ZC3H7A: variants seen among roughly 807,000 people sequenced by gnomAD.
ZC3H7A encodes the protein zinc finger CCCH-type containing 7A.
Under a neutral mutation model 125.5 loss-of-function variants are expected in ZC3H7A, and 44 were observed. The ratio of observed to expected loss-of-function variants is 0.35; its 90% CI spans 0.28 to 0.45. The LOEUF (loss-of-function observed/expected upper bound fraction) is 0.45, where lower values mean the gene tolerates loss of function less well. Ranked by LOEUF, ZC3H7A falls within the 20% of genes least tolerant of loss-of-function variation. ZC3H7A has a pLI of 1.00. For synonymous variants in ZC3H7A, 399 were observed against 391.2 expected (o/e 1.02, Z -0.23); for missense variants, 977 against 1,170.7 (o/e 0.83, Z 2.41).
rs750617505 is a variant in ZC3H7A at position 11,751,316 on chromosome 16, A to G, written c.*1T>C. ...AGGTATCATACATAAAAGCCAGCAT[A>G]TTAGTTTAAATCTTTAAACAAAAAA... On this transcript the variant is annotated 3_prime_UTR_variant, in exon 23 of 23. Transcript: ENST00000355758. The G allele has an allele frequency of 1.2e-6, 2 of 1,609,596 alleles. No individual in the cohort carries two copies. The highest frequency in any genetic ancestry group is 2.7e-5 in the African/African-American group (2 of 74,588).
chr16:11,770,944 G>C lies in ZC3H7A; in HGVS notation c.947C>G (p.Ser316Cys), dbSNP rs2052969134. ...CGATGCCGAAAAGGGCATGCTAGGA[G>C]AGACACTGGCTGTCTGAAGGGGTCC... ...VRGPLQTASVSPSMPFSASLL... is the reference protein window; with the variant it reads ...VRGPLQTASVCPSMPFSASLL... Residue 316 changes from serine (S) to cysteine (C), a missense_variant, in exon 10 of 23, where the codon TCT becomes TGT. Physicochemically the swap from Ser to Cys is moderately radical, Grantham distance 112. This residue lies in a region of ZC3H7A where 342 missense variants were observed against 311.3 expected (regional missense o/e 1.10). Coordinates refer to ENST00000355758, the MANE Select transcript of ZC3H7A (RefSeq NM_014153.4). 1 of 1,613,676 alleles carries C rather than the reference G, an allele frequency of 6.2e-7. No homozygotes were observed. The highest frequency in any genetic ancestry group is 1.3e-5 in the African/African-American group (1 of 74,950).
chr16:11,765,023 C>T lies in ZC3H7A; in HGVS notation c.1820+30G>A. The T allele has an allele frequency of 7.0e-7, 1 of 1,418,958 alleles. No homozygotes were observed. The highest frequency in any genetic ancestry group is 1.3e-5 in the South Asian group (1 of 78,120). The allele number at this position is 1,418,958 out of a possible 1,614,324, so 87.9% of individuals were successfully genotyped here. On this transcript the variant is annotated intron_variant, in intron 15 of 22. Coordinates refer to ENST00000355758, the MANE Select transcript of ZC3H7A (RefSeq NM_014153.4). The surrounding 1 kb of genome is among the most constrained non-coding windows in gnomAD (Gnocchi z 4.8). The stretch of plus-strand genomic sequence containing the variant: ...GATCTAGAAAAAGAATCTATTTTGT[C>T]ATTACAGAAATTAGAAACTATCAAC...
At chr16:11,757,223 G>A (rs2052664858) in intron 20 of ZC3H7A, among the ~76,000 whole-genome samples, 1 of 152,172 alleles carries the variant, frequency 6.6e-6, no homozygotes, top group South Asian at 2.1e-4. Flanking sequence ...GGTGGCTCAC[G>A]CCTGTAATCC....
At chr16:11,784,835 C>T (rs1234520754) in intron 1 of ZC3H7A, among the ~76,000 whole-genome samples, 6 of 114,968 alleles carry the variant, frequency 5.2e-5, no homozygotes. Flanking sequence ...GCCTGGGCAA[C>T]AAGAGTGACA....
At chr16:11,793,179 C>A (rs2141224224) in intron 1 of ZC3H7A, among the ~76,000 whole-genome samples, 1 of 152,280 alleles carries the variant, frequency 6.6e-6, no homozygotes, top group Non-Finnish European at 1.5e-5. Context: ...GAAGGCAGTG[C>A]AGAGGTCACC....
rs1407529828 is a variant in ZC3H7A at position 11,779,366 on chromosome 16, A to T, written c.109-3T>A. On this transcript the variant is annotated splice_polypyrimidine_tract_variant and splice_region_variant and intron_variant, in intron 3 of 22. Coordinates refer to ENST00000355758, the MANE Select transcript of ZC3H7A (RefSeq NM_014153.4). ...CTCACGAGAGCACGCAAATATACCT[A>T]AAAAAAAGAAAGTTACCACTTGAAG... The T allele has an allele frequency of 6.2e-7, 1 of 1,600,714 alleles. No individual in the cohort carries two copies. The highest frequency in any genetic ancestry group is 8.5e-7 in the Non-Finnish European group (1 of 1,175,360).
At chr16:11,790,096 A>G (rs931927435) in intron 1 of ZC3H7A, among the ~76,000 whole-genome samples, 1 of 151,716 alleles carries the variant, frequency 6.6e-6, no homozygotes, top group African/African-American at 2.4e-5. Context: ...AAAAAAAAAA[A>G]AAAAAAGAAT....
In ZC3H7A at chr16:11,769,784, C is replaced by CTTTTTTTTTTTTTTTTTTTTTTTTTTTTT. The variant is rs200241879; in HGVS notation, c.1109-690_1109-689insAAAAAAAAAAAAAAAAAAAAAAAAAAAAA. ...AATCAGTAAAGTTTTCAATTGCTTT[C>CTTTTTTTTTTTTTTTTTTTTTTTTTTTTT]TTTTTTTTTTTTTTTTTTTTTTTGA... On this transcript the variant is annotated intron_variant, in intron 10 of 22. Coordinates refer to ENST00000355758, the MANE Select transcript of ZC3H7A (RefSeq NM_014153.4). 3.2e-4 allele frequency among the ~76,000 whole-genome samples: 20 copies of CTTTTTTTTTTTTTTTTTTTTTTTTTTTTT among 61,616 alleles called. 2 individuals carry two copies. Among genetic ancestry groups the CTTTTTTTTTTTTTTTTTTTTTTTTTTTTT allele is most frequent in the African/African-American group, 5.8e-4 (6 of 10,272 alleles). The allele number at this position is 61,616 out of a possible 152,430, so 40.4% of individuals were successfully genotyped here.
chr16:11,788,847 C>T (rs1039348263), intron 1 of ZC3H7A, among the ~76,000 whole-genome samples: 3 of 152,022 alleles, frequency 2.0e-5, no homozygotes, highest in Non-Finnish European at 4.4e-5. Flanking sequence ...CTCCTGACCT[C>T]GTGATCTGCC....
At chr16:11,783,787 T>C (rs1372661841) in intron 1 of ZC3H7A, among the ~76,000 whole-genome samples, 1 of 152,256 alleles carries the variant, frequency 6.6e-6, no homozygotes, top group Non-Finnish European at 1.5e-5. Flanking sequence ...AATCTCATTT[T>C]TTTCAAAGTA....
intron 1 of ZC3H7A, chr16:11,782,612 T>TC (rs2053191152): frequency 3.4e-6 from 1 of 291,288 alleles, no homozygotes; most frequent in East Asian, 8.1e-5. Flanking sequence ...TTTTTTTTTT[T>TC]TTTTTTTTTT....
Position 11,774,371 on chromosome 16 carries a change from T to A in ZC3H7A, c.768A>T (p.Pro256=). 6.2e-7 allele frequency: 1 copy of A among 1,614,076 alleles called. No homozygotes were observed. The highest frequency in any genetic ancestry group is 8.5e-7 in the Non-Finnish European group (1 of 1,179,966). ...TTCCTCCATTTGCCAGCACTGCAGA[T>A]GGCAGAGCGCTCTCTTCCACTTGTA... is the stretch of plus-strand genomic sequence containing the variant. ...LPLQVEESAL[P]SAVLANGGKM... The change falls in exon 9 of 23, where the codon CCA becomes CCT. Residue 256 remains proline, a synonymous_variant. Coordinates refer to ENST00000355758, the MANE Select transcript of ZC3H7A (RefSeq NM_014153.4).
At chr16:11,784,439 C>A (rs1280365889) in intron 1 of ZC3H7A, among the ~76,000 whole-genome samples, 1 of 152,076 alleles carries the variant, frequency 6.6e-6, no homozygotes, top group Non-Finnish European at 1.5e-5. Context: ...TTAACTCAGG[C>A]CACTCATGGT....
chr16:11,787,301 T>G (rs2141216580), intron 1 of ZC3H7A, among the ~76,000 whole-genome samples: 1 of 152,258 alleles, frequency 6.6e-6, no homozygotes, highest in South Asian at 2.1e-4. Context: ...AGATCTTGTC[T>G]CTTAAATAAA....
At position 11,782,405 on chromosome 16, in the gene ZC3H7A, CA is replaced by C; in HGVS notation, c.-34-18del. 1.2e-6 allele frequency: 2 copies of C among 1,604,136 alleles called. No individual in the cohort carries two copies. The highest frequency in any genetic ancestry group is 1.7e-6 in the Non-Finnish European group (2 of 1,173,218). ...ATGAGCAATCTGGAAAGAAACAAGG[CA>C]AAAAAGCACATAAGGTACCAGGGTC... On this transcript the variant is annotated intron_variant, in intron 1 of 22. Coordinates refer to ENST00000355758, the MANE Select transcript of ZC3H7A (RefSeq NM_014153.4).
chr16:11,765,522 C>G lies in ZC3H7A; in HGVS notation c.1686G>C (p.Gln562His). 6.2e-7 allele frequency: 1 copy of G among 1,613,806 alleles called. No homozygotes were observed. The highest frequency in any genetic ancestry group is 8.5e-7 in the Non-Finnish European group (1 of 1,179,838). The change falls in exon 14 of 23, where the codon CAG becomes CAC. Residue 562 changes from glutamine (Q) to histidine (H), a missense_variant. Gln to His is a conservative substitution (Grantham distance 24). Transcript: ENST00000355758. The surrounding 1 kb of genome is among the most constrained non-coding windows in gnomAD (Gnocchi z 4.8). ...GGAATATAAATTCCCCAAGATGCTC[C>G]TGGAGAAGTTTGAACACAGTAAGGT... is the stretch of plus-strand genomic sequence containing the variant. ...KINLTVFKLL[Q>H]EHLGEFIFLC...
chr16:11,762,790 A>C, intron 16 of ZC3H7A, 43 bp from the exon 17 acceptor site: 1 of 1,592,536 alleles, frequency 6.3e-7, no homozygotes, highest in Non-Finnish European at 8.6e-7. Flanking sequence ...ATCTATAAGA[A>C]CAACAGCCCA....
At chr16:11,766,263 C>G (rs1357089788) in intron 13 of ZC3H7A, among the ~76,000 whole-genome samples, 1 of 152,188 alleles carries the variant, frequency 6.6e-6, no homozygotes, top group Non-Finnish European at 1.5e-5. Context: ...AGACAGTCTT[C>G]TGTTTAAAAT....
chr16:11,791,340 T>C (rs1172067562), intron 1 of ZC3H7A, among the ~76,000 whole-genome samples: 1 of 151,978 alleles, frequency 6.6e-6, no homozygotes, highest in Middle Eastern at 3.2e-3. Context: ...AGTCACTGTG[T>C]TTGTTGTTCC....
Sources: allele counts gnomAD v4.1 joint callset (sites outside exome capture counted in the v4.1 genomes callset), GRCh38; gene constraint gnomAD v4.1.1; regional missense constraint gnomAD v4.1.1; non-coding constraint Gnocchi (gnomAD v3.1); transcripts MANE v1.5; gene names NCBI Gene and HGNC (gene_info 2026-07-23, HGNC 2026-07-21).